Variants in SPAG9 observed in about 807,000 individuals in gnomAD.
The protein encoded by SPAG9 is sperm associated antigen 9.
In SPAG9, 35 loss-of-function variants were observed where a neutral mutation model predicts 166.5. The ratio of observed to expected loss-of-function variants is 0.21; its 90% CI spans 0.16 to 0.28. The LOEUF (loss-of-function observed/expected upper bound fraction) is 0.28, where lower values mean the gene tolerates loss of function less well. SPAG9 is among the 10% of genes least tolerant of loss of function. The pLI, the probability that SPAG9 is intolerant of heterozygous loss-of-function variation, is 1.00. For missense variants in SPAG9, 1,235 were observed against 1,603.3 expected (o/e 0.77, Z 3.92); for synonymous variants, 534 against 565.5 (o/e 0.94, Z 0.79).
intron 26 of SPAG9, 138 bp downstream of exon 26, chr17:50,979,608 G>A (rs758602025): frequency 1.3e-6 from 1 of 750,568 alleles, no homozygotes; most frequent in East Asian, 2.7e-5. Context: ...AGGCTATAGT[G>A]TGCTATGACT....
chr17:50,993,973 T>C, intron 18 of SPAG9, 38 bp from the exon 19 acceptor site: 2 of 1,557,092 alleles, frequency 1.3e-6, no homozygotes, highest in Non-Finnish European at 8.8e-7. Context: ...TAAAACAATA[T>C]GTATGTACAA....
intron 1 of SPAG9, among the ~76,000 whole-genome samples, chr17:51,114,599 C>T (rs1198986931): frequency 6.6e-6 from 1 of 152,134 alleles, no homozygotes; most frequent in African/African-American, 2.4e-5. Context: ...CTCTGCACCC[C>T]AGCCTGGGCA....
intron 8 of SPAG9, among the ~76,000 whole-genome samples, chr17:51,018,669 C>G (rs2045805396): frequency 1.3e-5 from 2 of 152,146 alleles, no homozygotes; most frequent in South Asian, 4.1e-4. Flanking sequence ...GCCCTGGACC[C>G]AAGTTAGTGT....
chr17:51,062,898 G>A (rs954904318), intron 2 of SPAG9, among the ~76,000 whole-genome samples: 11 of 151,830 alleles, frequency 7.2e-5, no homozygotes, highest in South Asian at 6.2e-4. Context: ...CCTACTCCAC[G>A]TCTTTTCCTG....
intron 8 of SPAG9, among the ~76,000 whole-genome samples, chr17:51,018,022 T>C (rs574571208): frequency 1.3e-5 from 2 of 152,150 alleles, no homozygotes; most frequent in Non-Finnish European, 2.9e-5. Flanking sequence ...AGAAAGGCAG[T>C]AGCTCCTGTC....
At chr17:51,063,745 G>A (rs2047584105) in intron 2 of SPAG9, among the ~76,000 whole-genome samples, 1 of 151,954 alleles carries the variant, frequency 6.6e-6, no homozygotes, top group Non-Finnish European at 1.5e-5. Flanking sequence ...AGCCAGGTGT[G>A]GTGGCACATG....
At chr17:51,106,524 C>T (rs1208954539) in intron 1 of SPAG9, among the ~76,000 whole-genome samples, 3 of 152,216 alleles carry the variant, frequency 2.0e-5, no homozygotes, top group Admixed American at 6.5e-5. Flanking sequence ...CTGCCAGGCG[C>T]GGTGGCTCAT....
At chr17:51,082,024 C>T (rs146834479) in intron 1 of SPAG9, among the ~76,000 whole-genome samples, 153 of 152,308 alleles carry the variant, frequency 1.0e-3, no homozygotes, top group Non-Finnish European at 1.1e-3. Context: ...TTACTTCCTT[C>T]ACATCTTTGT....
At chr17:51,119,864 A>C (rs910952934) in intron 1 of SPAG9, among the ~76,000 whole-genome samples, 4 of 152,348 alleles carry the variant, frequency 2.6e-5, no homozygotes, top group East Asian at 3.9e-4. Context: ...AACGTCAAGA[A>C]GAAACTGACC....
chr17:51,060,838 G>GT (rs371247482), intron 2 of SPAG9, among the ~76,000 whole-genome samples: 5,798 of 146,788 alleles, frequency 0.039, 151 homozygotes, highest in Middle Eastern at 0.054. Context: ...AGAGAAAAGG[G>GT]TTTTTTTTGT....
intron 26 of SPAG9, among the ~76,000 whole-genome samples, chr17:50,978,361 T>C (rs1010255652): frequency 3.3e-5 from 5 of 152,222 alleles, no homozygotes; most frequent in African/African-American, 1.2e-4. Flanking sequence ...GGTACATAGC[T>C]AGAAATAAGG....
intron 27 of SPAG9, 60 bp downstream of exon 27, chr17:50,977,048 A>T: frequency 9.4e-7 from 1 of 1,064,624 alleles, no homozygotes; most frequent in Non-Finnish European, 1.4e-6. Flanking sequence ...AATTTCAGAC[A>T]TAACTATTTC....
Position 50,970,893 on chromosome 17 carries a change from C to T in SPAG9, c.3701-37G>A, listed in dbSNP as rs775329380. 4.5e-6 allele frequency: 7 copies of T among 1,549,844 alleles called. No homozygotes were observed. In the South Asian group the frequency reaches 5.9e-5, roughly 13 times the overall value. On this transcript the variant is annotated intron_variant, in intron 28 of 29. Coordinates refer to ENST00000262013, the MANE Select transcript of SPAG9 (RefSeq NM_001130528.3). Reference sequence around the variant, plus strand: ...AGAAACAAAAGTGAATATTACTTATCACAGAAGGGAGGCTGTTTTGTTTTT... The same window carrying T: ...AGAAACAAAAGTGAATATTACTTATTACAGAAGGGAGGCTGTTTTGTTTTT...
At chr17:51,022,509 G>A (rs1474681906) in intron 6 of SPAG9, among the ~76,000 whole-genome samples, 1 of 151,872 alleles carries the variant, frequency 6.6e-6, no homozygotes, top group Non-Finnish European at 1.5e-5. Flanking sequence ...TATTCAAAGG[G>A]GTTTGCAGCT....
rs190896575 is a variant in SPAG9 at position 51,112,047 on chromosome 17, A to T, written c.303+8307T>A. On this transcript the variant is annotated intron_variant, in intron 1 of 29. Coordinates refer to ENST00000262013, the MANE Select transcript of SPAG9 (RefSeq NM_001130528.3). Reference sequence around the variant, plus strand: ...CCAGAGCTAGTCTTTGTCTTTAAAAAAAAATGTCTTAGGAGCTTAAGTAAT... The same window carrying T: ...CCAGAGCTAGTCTTTGTCTTTAAAATAAAATGTCTTAGGAGCTTAAGTAAT... Among the ~76,000 whole-genome samples the T allele has an allele frequency of 1.5e-3, 235 of 152,290 alleles. 1 individual carries two copies. Among genetic ancestry groups the T allele is most frequent in the African/African-American group, 5.4e-3 (225 of 41,568 alleles).
intron 2 of SPAG9, among the ~76,000 whole-genome samples, chr17:51,065,582 T>C (rs2047639995): frequency 6.6e-6 from 1 of 152,196 alleles, no homozygotes; most frequent in South Asian, 2.1e-4. Flanking sequence ...AATCATTCCT[T>C]TGCCTCAACA....
In SPAG9 at chr17:51,021,747, G is replaced by C. The variant is rs138747473; in HGVS notation, c.784-382C>G. 3.9e-3 allele frequency among the ~76,000 whole-genome samples: 592 copies of C among 152,232 alleles called. 5 individuals carry two copies. Among genetic ancestry groups the C allele is most frequent in the African/African-American group, 0.013 (560 of 41,536 alleles). ...ACTCTGTAATAGCTGATCTAAAACA[G>C]AAGTAGAATAACCAAATTCTTAACC... On this transcript the variant is annotated intron_variant, in intron 6 of 29. Transcript: ENST00000262013.
chr17:51,107,634 G>C (rs1207624152), intron 1 of SPAG9, among the ~76,000 whole-genome samples: 1 of 151,830 alleles, frequency 6.6e-6, no homozygotes, highest in African/African-American at 2.4e-5. Flanking sequence ...CTACTCGGGA[G>C]GCTGAGGCAG....
intron 5 of SPAG9, among the ~76,000 whole-genome samples, chr17:51,037,689 T>TATATATATATATATATATATATATATA (rs1568028348): frequency 4.5e-4 from 37 of 82,496 alleles, no homozygotes; most frequent in Non-Finnish European, 6.4e-4. Flanking sequence ...ATATATAGTG[T>TATATATATATATATATATATATATATA]GTGTGTGTGT....
Sources: gnomAD v4.1 joint callset for allele counts (sites outside exome capture counted in the v4.1 genomes callset) on GRCh38, gnomAD v4.1.1 for gene constraint, MANE v1.5 for transcripts, NCBI Gene and HGNC (gene_info 2026-07-23, HGNC 2026-07-21) for gene names.